RIOK1: variants seen among roughly 807,000 people sequenced by gnomAD.
The protein encoded by RIOK1 is serine/threonine-protein kinase RIO1.
Under a neutral mutation model 73.5 loss-of-function variants are expected in RIOK1, and 66 were observed. The ratio of observed to expected loss-of-function variants is 0.90; its 90% CI spans 0.74 to 1.10. RIOK1 has a LOEUF of 1.10. Ranked by LOEUF, RIOK1 falls within the 50% of genes least tolerant of loss-of-function variation. The pLI is 0.00. For missense variants in RIOK1, 658 were observed against 699.8 expected, an observed-to-expected ratio of 0.94 and a Z score of 0.67; for synonymous variants, 224 against 226.8, an observed-to-expected ratio of 0.99 and a Z score of 0.11.
chr6:7,410,473 C>T (rs756918007), intron 13 of RIOK1, 22 bp downstream of exon 13: 15 of 1,550,420 alleles, frequency 9.7e-6, no homozygotes, highest in Non-Finnish European at 1.3e-5. Context: ...TATCTATTCA[C>T]AGCCTTTGGA....
Position 7,404,946 on chromosome 6 carries a change from G to A in RIOK1, c.1021G>A (p.Asp341Asn). The change falls in exon 11 of 17, where the codon GAC (aspartate) becomes AAC (asparagine). Residue 341 changes from aspartate to asparagine, a missense_variant. By Grantham distance (23) the Asp-to-Asn change is conservative. Transcript: ENST00000379834. ...LYHGGGVYII[D>N]VSQSVEHDHP... ...CCACGGTGGAGGCGTGTATATCATT[G>A]ACGTGTCTCAGTCCGTGGAGCACGA... The A allele has an allele frequency of 6.2e-7, 1 of 1,614,090 alleles. No individual in the cohort carries two copies. Among genetic ancestry groups the A allele is most frequent in the Non-Finnish European group, 8.5e-7 (1 of 1,179,982 alleles).
intron 13 of RIOK1, 103 bp from the exon 14 acceptor site, chr6:7,411,229 G>A (rs1761875424): frequency 4.0e-6 from 5 of 1,263,086 alleles, no homozygotes; most frequent in Admixed American, 1.9e-5. Context: ...TGTTAGGGAT[G>A]AATGAATATA....
chr6:7,394,365 C>T (rs1013829073), intron 2 of RIOK1, among the ~76,000 whole-genome samples: 5 of 152,104 alleles, frequency 3.3e-5, no homozygotes, highest in Admixed American at 1.3e-4. Flanking sequence ...ACCCAGGAGG[C>T]GGAGGTTGCA....
chr6:7,413,017 TTTA>T (rs1279480883), intron 15 of RIOK1, 75 bp downstream of exon 15: 20 of 678,778 alleles, frequency 2.9e-5, no homozygotes, highest in African/African-American at 3.9e-5. Flanking sequence ...CATACTGTTT[TTTA>T]TTATTATTTA....
At position 7,402,646 on chromosome 6, in the gene RIOK1, C is replaced by T. The variant is rs1218846944; in HGVS notation, c.617C>T (p.Ala206Val). The T allele has an allele frequency of 6.2e-7, 1 of 1,612,254 alleles. No individual in the cohort carries two copies. The highest frequency in any genetic ancestry group is 2.2e-5 in the East Asian group (1 of 44,822). ...HASTANGESR[A>V]IKIYKTSILV... ...AGCACAGCAAATGGAGAGAGCAGAG[C>T]AATCAAAATTTATAAAACTTCTATT... The change falls in exon 7 of 17, where the codon GCA (alanine) becomes GTA (valine). Residue 206 changes from alanine to valine, a missense_variant. Ala to Val is a moderately conservative substitution (Grantham distance 64, BLOSUM62 0). Transcript: ENST00000379834.
At chr6:7,409,832 T>TTTTTCC (rs1761844556) in intron 12 of RIOK1, among the ~76,000 whole-genome samples, 1 of 152,002 alleles carries the variant, frequency 6.6e-6, no homozygotes, top group African/African-American at 2.4e-5. Context: ...CTCCCACTAT[T>TTTTTCC]TTTTCCTTTC....
At chr6:7,408,792 G>T (rs1444504649) in intron 12 of RIOK1, among the ~76,000 whole-genome samples, 1 of 150,460 alleles carries the variant, frequency 6.6e-6, no homozygotes, top group East Asian at 2.0e-4. Context: ...GGCAATCTCG[G>T]CTCACTGCAA....
intron 15 of RIOK1, 27 bp from the exon 16 acceptor site, chr6:7,414,211 A>T: frequency 1.9e-6 from 3 of 1,590,226 alleles, no homozygotes; most frequent in Non-Finnish European, 2.6e-6. Flanking sequence ...GTTGTTTAGA[A>T]TAACATGGTT....
At chr6:7,407,968 T>A (rs1005657397) in intron 12 of RIOK1, among the ~76,000 whole-genome samples, 3 of 152,270 alleles carry the variant, frequency 2.0e-5, no homozygotes, top group African/African-American at 7.2e-5. Flanking sequence ...ATCCAGTTTA[T>A]CTATTTTTAT....
intron 6 of RIOK1, among the ~76,000 whole-genome samples, 169 bp from the exon 7 acceptor site, chr6:7,402,434 T>C (rs2113512104): frequency 6.6e-6 from 1 of 152,402 alleles, no homozygotes; most frequent in South Asian, 2.1e-4. Flanking sequence ...CTATGTTTAC[T>C]GTCCTTTTGA....
At chr6:7,402,409 A>G (rs997727284) in intron 6 of RIOK1, among the ~76,000 whole-genome samples, 194 bp from the exon 7 acceptor site, 5 of 152,154 alleles carry the variant, frequency 3.3e-5, no homozygotes, top group Non-Finnish European at 5.9e-5. Context: ...ACGTGACTGT[A>G]TTTGTATATT....
intron 16 of RIOK1, among the ~76,000 whole-genome samples, chr6:7,414,818 A>G (rs1398196523): frequency 6.6e-6 from 1 of 152,212 alleles, no homozygotes; most frequent in Non-Finnish European, 1.5e-5. Context: ...CAAATATTAA[A>G]TGGAAAATTC....
intron 1 of RIOK1, among the ~76,000 whole-genome samples, chr6:7,390,895 A>G (rs1278917837): frequency 2.0e-5 from 3 of 152,318 alleles, no homozygotes; most frequent in Admixed American, 2.0e-4. Flanking sequence ...GATGATGTTC[A>G]TGGAGGGTGG....
chr6:7,390,024 A>T lies in RIOK1; in HGVS notation c.22A>T (p.Met8Leu). The part of the protein sequence containing the change: MDYRRLL[M>L]SRVVPGQFDD... Reference sequence around the variant, plus strand: ...AGTCATGGACTACCGGCGGCTTCTCATGAGCCGGGTGGTCCCCGGGCAATT... The same window carrying T: ...AGTCATGGACTACCGGCGGCTTCTCTTGAGCCGGGTGGTCCCCGGGCAATT... Residue 8 changes from methionine (M) to leucine (L), a missense_variant, in exon 1 of 17, where the codon ATG becomes TTG. By Grantham distance (15) the Met-to-Leu change is conservative (BLOSUM62 2). Transcript: ENST00000379834. The T allele has an allele frequency of 3.9e-6, 6 of 1,555,512 alleles. No homozygotes were observed. Among genetic ancestry groups the T allele is most frequent in the Non-Finnish European group, 5.2e-6 (6 of 1,149,640 alleles).
chr6:7,401,734 G>A (rs1761618779), intron 6 of RIOK1, among the ~76,000 whole-genome samples: 1 of 144,078 alleles, frequency 6.9e-6, no homozygotes. Context: ...GCTAGAGTGT[G>A]GTGGCATGTT....
Position 7,389,991 on chromosome 6 carries a change from C to T in RIOK1, c.-12C>T. The T allele has an allele frequency of 6.5e-7, 1 of 1,550,036 alleles. No homozygotes were observed. Among genetic ancestry groups the T allele is most frequent in the Non-Finnish European group, 8.7e-7 (1 of 1,146,688 alleles). Reference sequence around the variant, plus strand: ...ATCGCAGAGCGGCGGCCTCCGGCGGCGCTCTCCAGTCATGGACTACCGGCG... The same window carrying T: ...ATCGCAGAGCGGCGGCCTCCGGCGGTGCTCTCCAGTCATGGACTACCGGCG... On this transcript the variant is annotated 5_prime_UTR_variant, in exon 1 of 17. Coordinates refer to ENST00000379834, the MANE Select transcript of RIOK1 (RefSeq NM_031480.3).
chr6:7,412,256 G>A (rs1469683321), intron 14 of RIOK1, among the ~76,000 whole-genome samples: 5 of 151,710 alleles, frequency 3.3e-5, no homozygotes, highest in Non-Finnish European at 1.5e-5. Context: ...AGCTACTGGG[G>A]AGGCTGAGGC....
At position 7,410,794 on chromosome 6, in the gene RIOK1, T is replaced by C. The variant is rs1028621156; in HGVS notation, c.1269+343T>C. Among the ~76,000 whole-genome samples, 8 of 152,218 alleles carry C rather than the reference T, an allele frequency of 5.3e-5. 1 individual carries two copies. The highest frequency in any genetic ancestry group is 1.9e-4 in the East Asian group (1 of 5,200). ...TTAAATATTGATTCTAGAAATGTTA[T>C]AGATTTTAAATATTATGCTTTGATA... On this transcript the variant is annotated intron_variant, in intron 13 of 16. Coordinates refer to ENST00000379834, the MANE Select transcript of RIOK1 (RefSeq NM_031480.3).
intron 11 of RIOK1, 23 bp downstream of exon 11, chr6:7,405,044 G>A (rs201995423): frequency 2.8e-4 from 439 of 1,575,902 alleles, no homozygotes; most frequent in Middle Eastern, 2.0e-3. Flanking sequence ...GGCAATTTTC[G>A]AAACAGCTCA....
Sources: allele counts gnomAD v4.1 joint callset (sites outside exome capture counted in the v4.1 genomes callset), GRCh38; gene constraint gnomAD v4.1.1; transcripts MANE v1.5; gene names NCBI Gene and HGNC (gene_info 2026-07-23, HGNC 2026-07-21).